The following FAM185A variants were observed in gnomAD, a reference collection of about 807,000 sequenced individuals.
The protein encoded by FAM185A is protein FAM185A.
In FAM185A, 21 loss-of-function variants were observed where a neutral mutation model predicts 45.7. The ratio of observed to expected loss-of-function variants is 0.46; its 90% CI spans 0.33 to 0.66. FAM185A has a LOEUF of 0.66. FAM185A is among the 30% of genes least tolerant of loss of function. The pLI is 0.03. For synonymous variants in FAM185A, 117 were observed against 194.0 expected, an observed-to-expected ratio of 0.60 and a Z score of 3.30; for missense variants, 305 against 485.4, an observed-to-expected ratio of 0.63 and a Z score of 3.49.
At chr7:102,850,447 G>A in the FAM185A span, among the ~76,000 whole-genome samples, 10 of 152,114 alleles carry the variant, frequency 6.6e-5, no homozygotes, top group Admixed American at 6.5e-4. Context: ...AAATATAACT[G>A]ATCACCATAT....
the FAM185A span, among the ~76,000 whole-genome samples, chr7:102,850,583 A>G: frequency 6.6e-6 from 1 of 152,218 alleles, no homozygotes; most frequent in Non-Finnish European, 1.5e-5. Context: ...GTATAAATGC[A>G]TGTTTAACCC....
chr7:102,769,578 G>A (rs1026788302), intron 4 of FAM185A, among the ~76,000 whole-genome samples: 6 of 151,660 alleles, frequency 4.0e-5, no homozygotes, highest in East Asian at 1.9e-4. Flanking sequence ...ATAAAGTTAC[G>A]AATATCAGGG....
chr7:102,760,646 T>G (rs1351160212), intron 3 of FAM185A, among the ~76,000 whole-genome samples: 1 of 152,178 alleles, frequency 6.6e-6, no homozygotes, highest in Non-Finnish European at 1.5e-5. Flanking sequence ...TAAACTTTTC[T>G]TTTGAGAACA....
intron 5 of FAM185A, among the ~76,000 whole-genome samples, chr7:102,775,244 A>G (rs1479111883): frequency 1.3e-5 from 2 of 152,190 alleles, no homozygotes; most frequent in Non-Finnish European, 2.9e-5. Context: ...AGTATTGTTA[A>G]TTACAGTCAC....
chr7:102,823,441 G>A, the FAM185A span, among the ~76,000 whole-genome samples: 2 of 152,136 alleles, frequency 1.3e-5, no homozygotes, highest in Non-Finnish European at 2.9e-5. Context: ...ACAGATGTTT[G>A]GAAGCAAGGG....
chr7:102,825,674 C>T, the FAM185A span, among the ~76,000 whole-genome samples: 1 of 152,106 alleles, frequency 6.6e-6, no homozygotes, highest in Non-Finnish European at 1.5e-5. Flanking sequence ...ATATAAGGAC[C>T]AGTTTCACTG....
chr7:102,819,941 C>G, the FAM185A span, among the ~76,000 whole-genome samples: 1 of 152,230 alleles, frequency 6.6e-6, no homozygotes, highest in East Asian at 1.9e-4. Context: ...CTGCATGCAA[C>G]TAGGCCCCCT....
chr7:102,817,838 C>T, the FAM185A span, among the ~76,000 whole-genome samples: 1 of 152,150 alleles, frequency 6.6e-6, no homozygotes, highest in Non-Finnish European at 1.5e-5. Context: ...GCCTAAGTGA[C>T]TGTGAGACCC....
chr7:102,817,029 C>G, the FAM185A span, among the ~76,000 whole-genome samples: 1 of 152,162 alleles, frequency 6.6e-6, no homozygotes, highest in East Asian at 1.9e-4. Flanking sequence ...TTAGGTTGAT[C>G]CCATGACTTT....
intron 7 of FAM185A, among the ~76,000 whole-genome samples, chr7:102,797,272 C>A (rs892330343): frequency 7.9e-5 from 12 of 152,026 alleles, no homozygotes; most frequent in African/African-American, 2.7e-4. Flanking sequence ...ACCATACTGG[C>A]TAACATGGTG....
intron 6 of FAM185A, among the ~76,000 whole-genome samples, chr7:102,783,753 C>G (rs1258754777): frequency 1.3e-5 from 2 of 151,962 alleles, no homozygotes; most frequent in Admixed American, 6.5e-5. Context: ...AATTGACACC[C>G]TAACATCACA....
chr7:102,758,905 T>C (rs1175493517), intron 3 of FAM185A, among the ~76,000 whole-genome samples: 3 of 152,104 alleles, frequency 2.0e-5, no homozygotes, highest in Non-Finnish European at 4.4e-5. Context: ...ACATTTTATA[T>C]GTAGATTATT....
chr7:102,808,023 T>C (rs1584376879), intron 7 of FAM185A, among the ~76,000 whole-genome samples: 5 of 152,338 alleles, frequency 3.3e-5, no homozygotes, highest in Admixed American at 3.3e-4. Flanking sequence ...ATCGTGCCAC[T>C]GTACTCCAGC....
chr7:102,813,903 C>T (rs943656446), downstream of FAM185A, among the ~76,000 whole-genome samples: 1 of 152,062 alleles, frequency 6.6e-6, no homozygotes, highest in Non-Finnish European at 1.5e-5. Flanking sequence ...TGAAGGCTGA[C>T]CATGCACCAG....
chr7:102,836,030 A>G, the FAM185A span, among the ~76,000 whole-genome samples: 1 of 152,224 alleles, frequency 6.6e-6, no homozygotes, highest in African/African-American at 2.4e-5. Context: ...AATTTATTGA[A>G]GGATGAAACA....
chr7:102,769,444 A>C (rs550965818), intron 4 of FAM185A, among the ~76,000 whole-genome samples: 5 of 152,270 alleles, frequency 3.3e-5, no homozygotes, highest in South Asian at 2.1e-4. Flanking sequence ...TTTTAAAAAA[A>C]ATTGTAAATT....
the FAM185A span, among the ~76,000 whole-genome samples, chr7:102,833,548 C>G: frequency 1.3e-5 from 2 of 149,730 alleles, no homozygotes; most frequent in Non-Finnish European, 3.0e-5. Flanking sequence ...TCTTGTGCCT[C>G]TTGTGCCTAT....
chr7:102,847,147 G>A, the FAM185A span, among the ~76,000 whole-genome samples: 2 of 151,920 alleles, frequency 1.3e-5, no homozygotes, highest in African/African-American at 4.8e-5. Flanking sequence ...AGTTGCGACA[G>A]AGACTGTATG....
chr7:102,758,441 T>A (rs1274694279), intron 3 of FAM185A, among the ~76,000 whole-genome samples: 7 of 133,956 alleles, frequency 5.2e-5, no homozygotes, highest in Admixed American at 1.4e-4. Context: ...TTTTTTTTTT[T>A]TTTTTTTTTT....
Sources: gnomAD v4.1 joint callset for allele counts (sites outside exome capture counted in the v4.1 genomes callset) on GRCh38, gnomAD v4.1.1 for gene constraint, MANE v1.5 for transcripts, NCBI Gene and HGNC (gene_info 2026-07-23, HGNC 2026-07-21) for gene names.